CRADD: variants seen among roughly 807,000 people sequenced by gnomAD.
The protein encoded by CRADD is death domain-containing protein CRADD.
Under a neutral mutation model 15.5 loss-of-function variants are expected in CRADD, and 9 were observed. That is an observed-to-expected ratio of 0.58 (90% CI 0.35 to 1.01). CRADD has a LOEUF of 1.01. Ranked by LOEUF, CRADD falls within the 50% of genes least tolerant of loss-of-function variation. The probability of loss-of-function intolerance (pLI) is 0.02; values close to 1 mark genes in which losing one functional copy is unlikely to be tolerated. For synonymous variants in CRADD, 118 were observed against 107.6 expected, an observed-to-expected ratio of 1.10 and a Z score of -0.60; for missense variants, 227 against 250.3, an observed-to-expected ratio of 0.91 and a Z score of 0.63.
At chr12:93,712,540 A>C (rs878905487) in intron 2 of CRADD, among the ~76,000 whole-genome samples, 4 of 152,218 alleles carry the variant, frequency 2.6e-5, no homozygotes, top group Admixed American at 2.6e-4. Flanking sequence ...CGAAAGTTGA[A>C]TGGATTGTAA....
At chr12:93,797,642 T>C (rs1293219102) in intron 2 of CRADD, among the ~76,000 whole-genome samples, 1 of 152,210 alleles carries the variant, frequency 6.6e-6, no homozygotes. Flanking sequence ...GCCAAAAGAA[T>C]TTTAAAACCA....
intron 2 of CRADD, among the ~76,000 whole-genome samples, chr12:93,749,957 ATGTT>A (rs1306109159): frequency 6.6e-6 from 1 of 152,232 alleles, no homozygotes; most frequent in Non-Finnish European, 1.5e-5. Flanking sequence ...TACTCAGGAC[ATGTT>A]TGTTACATGA....
intron 2 of CRADD, among the ~76,000 whole-genome samples, chr12:93,730,526 T>C (rs1956445036): frequency 6.6e-6 from 1 of 152,224 alleles, no homozygotes; most frequent in African/African-American, 2.4e-5. Flanking sequence ...ACAGTCTTTC[T>C]ACTTCTAAGA....
At position 93,731,162 on chromosome 12, in the gene CRADD, T is replaced by C. The variant is rs1420637233; in HGVS notation, c.298+52090T>C. Among the ~76,000 whole-genome samples the C allele has an allele frequency of 2.6e-5, 4 of 152,382 alleles. No homozygotes were observed. In the East Asian group the frequency reaches 5.8e-4, roughly 22 times the overall value. On this transcript the variant is annotated intron_variant, in intron 2 of 2. Transcript: ENST00000332896. ...AGTCTGGGGAGGCTGTGAAACACAG[T>C]ATTGACAGTGGTATAATTATTAGTG...
At chr12:93,862,435 A>T (rs1330263875) in intron 2 of CRADD, among the ~76,000 whole-genome samples, 1 of 152,142 alleles carries the variant, frequency 6.6e-6, no homozygotes, top group African/African-American at 2.4e-5. Flanking sequence ...AGTTAAGGAG[A>T]TGAATCTTGA....
At position 93,724,639 on chromosome 12, in the gene CRADD, T is replaced by C. The variant is rs192598171; in HGVS notation, c.298+45567T>C. On this transcript the variant is annotated intron_variant, in intron 2 of 2. Coordinates refer to ENST00000332896, the MANE Select transcript of CRADD (RefSeq NM_003805.5). ...TTTGCCTTTGAAAAAAGTCAGGTAG[T>C]TAATACTTCTCTTTCAGGGTGCTGT... 2.4e-3 allele frequency among the ~76,000 whole-genome samples: 369 copies of C among 152,306 alleles called. 2 individuals carry two copies. The highest frequency in any genetic ancestry group is 7.8e-3 in the African/African-American group (323 of 41,570).
rs886848362 is a variant in CRADD at position 93,862,679 on chromosome 12, C to G, written c.299-31371C>G. Among the ~76,000 whole-genome samples, 3 of 152,160 alleles carry G rather than the reference C, an allele frequency of 2.0e-5. No individual in the cohort carries two copies. The East Asian group carries it at 5.8e-4, about 29-fold the overall frequency. On this transcript the variant is annotated intron_variant, in intron 2 of 2. Coordinates refer to the CRADD transcript ENST00000548483. ...TTCACCCTTTAGACTACCAAGAAAACAAAAGAAATCTCAACACTTTTAAAG... is the reference window on the plus strand; with the variant it reads ...TTCACCCTTTAGACTACCAAGAAAAGAAAAGAAATCTCAACACTTTTAAAG...
In CRADD at chr12:93,850,401, A is replaced by G. The variant is rs1356583441; in HGVS notation, c.*130A>G. Reference sequence around the variant, plus strand: ...TTTGATGATCTTCAGATGGAAGGAGAAAACAGGGTTTCCACTAGACATTAC... The same window carrying G: ...TTTGATGATCTTCAGATGGAAGGAGGAAACAGGGTTTCCACTAGACATTAC... On this transcript the variant is annotated 3_prime_UTR_variant, in exon 3 of 3. Coordinates refer to ENST00000332896, the MANE Select transcript of CRADD (RefSeq NM_003805.5). The surrounding 1 kb of genome is among the most constrained non-coding windows in gnomAD (Gnocchi z 4.0). 7.2e-7 allele frequency: 1 copy of G among 1,397,416 alleles called. No homozygotes were observed. Among genetic ancestry groups the G allele is most frequent in the African/African-American group, 1.5e-5 (1 of 68,104 alleles). 86.6% of individuals were successfully genotyped at this position (1,397,416 alleles called of 1,614,324 possible).
intron 2 of CRADD, among the ~76,000 whole-genome samples, chr12:93,864,748 C>T (rs916393486): frequency 2.6e-5 from 4 of 152,130 alleles, no homozygotes; most frequent in African/African-American, 7.2e-5. Flanking sequence ...TATGTGTACC[C>T]CTCAGTACGG....
intron 2 of CRADD, among the ~76,000 whole-genome samples, chr12:93,845,683 TTA>T (rs1035623346): frequency 6.6e-5 from 10 of 152,058 alleles, no homozygotes; most frequent in African/African-American, 2.4e-4. Flanking sequence ...CACAAGTATT[TTA>T]TGCTATAGAA....
At chr12:93,791,378 A>C (rs1373849742) in intron 2 of CRADD, among the ~76,000 whole-genome samples, 1 of 152,184 alleles carries the variant, frequency 6.6e-6, no homozygotes, top group African/African-American at 2.4e-5. Flanking sequence ...TTGAGACAAC[A>C]TGGGCAAACC....
At chr12:93,888,356 C>T (rs955237294) in intron 2 of CRADD, among the ~76,000 whole-genome samples, 1 of 147,678 alleles carries the variant, frequency 6.8e-6, no homozygotes, top group Middle Eastern at 3.7e-3. Context: ...ACCCGGGAGG[C>T]GGAGCTTGCA....
chr12:93,684,040 G>A (rs1955379435), intron 2 of CRADD, among the ~76,000 whole-genome samples: 1 of 152,112 alleles, frequency 6.6e-6, no homozygotes, highest in South Asian at 2.1e-4. Flanking sequence ...TCTGCAGAGG[G>A]CCCAGGTTTC....
At chr12:93,894,129 C>T (rs1363025003) in exon 3 of CRADD, 1 of 702,480 alleles carries the variant, frequency 1.4e-6, no homozygotes, top group Admixed American at 2.0e-5. Flanking sequence ...CTGGCATCTT[C>T]CTCTCTCTGC....
intron 2 of CRADD, among the ~76,000 whole-genome samples, chr12:93,821,963 C>A (rs1957774086): frequency 6.6e-6 from 1 of 151,714 alleles, no homozygotes; most frequent in Non-Finnish European, 1.5e-5. Context: ...ACTAAAAATA[C>A]AAAAATTAGC....
rs534049539 is a variant in CRADD at position 93,767,720 on chromosome 12, C to T, written c.299-82250C>T. 2.3e-4 allele frequency among the ~76,000 whole-genome samples: 35 copies of T among 152,220 alleles called. 1 individual carries two copies. The South Asian group carries it at 7.1e-3, about 31-fold the overall frequency. ...AAGCCTGAATCATCACATTTCACAC[C>T]CTCTTAGAGGAAGGCAGGGTTCATG... On this transcript the variant is annotated intron_variant, in intron 2 of 2. Transcript: ENST00000332896.
At position 93,690,980 on chromosome 12, in the gene CRADD, A is replaced by G. The variant is rs79277187; in HGVS notation, c.298+11908A>G. ...TAAAAAATACAAAAGAAAATGAAAG[A>G]TGTTTTCTAAGAAATATGATTAGGT... On this transcript the variant is annotated intron_variant, in intron 2 of 2. Coordinates refer to ENST00000332896, the MANE Select transcript of CRADD (RefSeq NM_003805.5). Among the ~76,000 whole-genome samples the G allele has an allele frequency of 1.2e-4, 19 of 152,336 alleles. No homozygotes were observed. In the East Asian group the frequency reaches 3.7e-3, roughly 29 times the overall value.
At chr12:93,684,229 G>A (rs758146563) in intron 2 of CRADD, among the ~76,000 whole-genome samples, 138 of 152,322 alleles carry the variant, frequency 9.1e-4, no homozygotes, top group African/African-American at 2.9e-3. Flanking sequence ...CCTTTTTGGC[G>A]TCAGAGACTG....
At chr12:93,843,619 A>G (rs1207921194) in intron 2 of CRADD, among the ~76,000 whole-genome samples, 4 of 152,074 alleles carry the variant, frequency 2.6e-5, no homozygotes, top group Non-Finnish European at 5.9e-5. Flanking sequence ...AGCTCCAGTC[A>G]TCTGCCTGCC....
Sources: gnomAD v4.1 joint callset for allele counts (sites outside exome capture counted in the v4.1 genomes callset) on GRCh38, gnomAD v4.1.1 for gene constraint, Gnocchi (gnomAD v3.1) non-coding constraint, MANE v1.5 for transcripts, NCBI Gene and HGNC (gene_info 2026-07-23, HGNC 2026-07-21) for gene names.